Variants in DPP10 observed in about 807,000 individuals in gnomAD.
The protein encoded by DPP10 is dipeptidyl peptidase like 10, also known as inactive dipeptidyl peptidase 10.
A neutral mutation model predicts 120.9 loss-of-function variants in DPP10; 33 were observed. That is an observed-to-expected ratio of 0.27 (90% CI 0.21 to 0.37). The LOEUF is 0.37. DPP10 is among the 10% of genes least tolerant of loss of function. The pLI is 1.00. For synonymous variants in DPP10, 337 were observed against 326.1 expected (o/e 1.03, Z -0.36); for missense variants, 816 against 942.8 (o/e 0.87, Z 1.76).
intron 5 of DPP10, among the ~76,000 whole-genome samples, chr2:115,657,006 T>C (rs1478043643): frequency 6.6e-6 from 1 of 151,686 alleles, no homozygotes; most frequent in African/African-American, 2.4e-5. Context: ...ATAGTATCTA[T>C]ATTAATAAGA....
At chr2:115,229,809 A>G in intron 1 of DPP10, among the ~76,000 whole-genome samples, 1 of 149,808 alleles carries the variant, frequency 6.7e-6, no homozygotes, top group East Asian at 1.9e-4. Flanking sequence ...ATAGCTCTGA[A>G]GTATAATTTG....
intron 1 of DPP10, among the ~76,000 whole-genome samples, chr2:115,048,794 A>G (rs1029265969): frequency 7.9e-5 from 12 of 152,122 alleles, no homozygotes; most frequent in Non-Finnish European, 2.9e-5. Context: ...CAAAAGGTTT[A>G]GATGATTTCT....
chr2:115,208,004 A>C (rs776351162), intron 1 of DPP10, among the ~76,000 whole-genome samples: 1 of 152,190 alleles, frequency 6.6e-6, no homozygotes, highest in Non-Finnish European at 1.5e-5. Context: ...GCCGATGTAC[A>C]GATATTAGAT....
At position 115,179,232 on chromosome 2, in the gene DPP10, A is replaced by G. The variant is rs554747466; in HGVS notation, c.61-130007A>G. Among the ~76,000 whole-genome samples the G allele has an allele frequency of 7.9e-5, 12 of 152,340 alleles. No homozygotes were observed. In the East Asian group the frequency reaches 1.9e-3, roughly 24 times the overall value. On this transcript the variant is annotated intron_variant, in intron 1 of 25. Coordinates refer to ENST00000410059, the MANE Select transcript of DPP10 (RefSeq NM_020868.6). ...GGAAACAATAAAATAATATTTAGAA[A>G]TTTTAATGTAGAATTGAACAAATTC...
At chr2:114,709,388 T>C (rs1266263347) in intron 1 of DPP10, among the ~76,000 whole-genome samples, 1 of 152,214 alleles carries the variant, frequency 6.6e-6, no homozygotes, top group Non-Finnish European at 1.5e-5. Flanking sequence ...CCCTGACTCA[T>C]TTTTGGCTTG....
At chr2:115,355,991 A>T (rs533921129) in intron 3 of DPP10, among the ~76,000 whole-genome samples, 11 of 152,258 alleles carry the variant, frequency 7.2e-5, no homozygotes, top group African/African-American at 2.6e-4. Context: ...AGGTAGTGTG[A>T]TGCCTCCAGC....
At chr2:115,343,272 CTTTACA>C (rs1283501191) in intron 2 of DPP10, among the ~76,000 whole-genome samples, 5 of 152,044 alleles carry the variant, frequency 3.3e-5, no homozygotes, top group African/African-American at 1.2e-4. Flanking sequence ...ATTATTTGAA[CTTTACA>C]TTTAAGTCAA....
intron 1 of DPP10, among the ~76,000 whole-genome samples, chr2:114,711,500 A>C (rs1472765297): frequency 1.3e-5 from 2 of 152,172 alleles, no homozygotes; most frequent in African/African-American, 4.8e-5. Flanking sequence ...TCTGTGTTTC[A>C]GGTTCCTCAT....
intron 1 of DPP10, among the ~76,000 whole-genome samples, chr2:115,194,677 A>G (rs957809710): frequency 6.6e-6 from 1 of 152,156 alleles, no homozygotes. Flanking sequence ...TTTTTAGGGC[A>G]TAAGAGTCTA....
intron 1 of DPP10, among the ~76,000 whole-genome samples, chr2:115,098,340 C>T (rs1004290109): frequency 9.9e-5 from 15 of 152,170 alleles, no homozygotes; most frequent in Admixed American, 3.9e-4. Flanking sequence ...GATTCATATA[C>T]AGTCATGCAT....
intron 3 of DPP10, among the ~76,000 whole-genome samples, chr2:115,382,568 C>A (rs1225964531): frequency 6.6e-6 from 1 of 152,062 alleles, no homozygotes; most frequent in African/African-American, 2.4e-5. Flanking sequence ...CCTATTCGGC[C>A]ATCTTCTAAT....
At chr2:114,948,531 T>A (rs1378398658) in intron 1 of DPP10, among the ~76,000 whole-genome samples, 1 of 152,186 alleles carries the variant, frequency 6.6e-6, no homozygotes, top group Non-Finnish European at 1.5e-5. Flanking sequence ...ATTCAGACCT[T>A]ATTTTTTTCC....
intron 1 of DPP10, among the ~76,000 whole-genome samples, chr2:114,531,252 G>A (rs1302368253): frequency 1.3e-5 from 2 of 152,044 alleles, no homozygotes; most frequent in Admixed American, 1.3e-4. Flanking sequence ...CCAAAACCTA[G>A]TTTCCTTCAA....
intron 1 of DPP10, among the ~76,000 whole-genome samples, chr2:115,155,777 T>G (rs2051868419): frequency 6.6e-6 from 1 of 152,182 alleles, no homozygotes; most frequent in African/African-American, 2.4e-5. Flanking sequence ...GCATAACCAG[T>G]GGGATTTATG....
chr2:115,831,455 G>T (rs1268066591), intron 21 of DPP10, among the ~76,000 whole-genome samples: 4 of 152,064 alleles, frequency 2.6e-5, no homozygotes, highest in African/African-American at 9.7e-5. Flanking sequence ...GGTCAGGCTG[G>T]TCTCCAACTC....
intron 1 of DPP10, chr2:114,462,048 C>G: frequency 1.0e-6 from 1 of 985,290 alleles, no homozygotes; most frequent in Non-Finnish European, 1.2e-6. Context: ...AAAACTGGAG[C>G]AGAGTGTGAT....
intron 5 of DPP10, among the ~76,000 whole-genome samples, chr2:115,587,932 G>T (rs894233930): frequency 6.6e-6 from 1 of 152,046 alleles, no homozygotes; most frequent in African/African-American, 2.4e-5. Context: ...TAAGATCCAA[G>T]TAACAATTAT....
At chr2:114,961,346 G>A (rs750826730) in intron 1 of DPP10, among the ~76,000 whole-genome samples, 29 of 152,074 alleles carry the variant, frequency 1.9e-4, no homozygotes, top group Admixed American at 5.9e-4. Context: ...GAGCCACTGC[G>A]CCTGGCCCTG....
At chr2:114,808,642 T>C (rs1459327828) in intron 1 of DPP10, among the ~76,000 whole-genome samples, 2 of 151,772 alleles carry the variant, frequency 1.3e-5, no homozygotes, top group Non-Finnish European at 2.9e-5. Flanking sequence ...TTAGATGACC[T>C]GGTCTCTGCA....
Sources: allele counts gnomAD v4.1 joint callset (sites outside exome capture counted in the v4.1 genomes callset), GRCh38; gene constraint gnomAD v4.1.1; transcripts MANE v1.5; gene names NCBI Gene and HGNC (gene_info 2026-07-23, HGNC 2026-07-21).